AGMO: variants seen among roughly 807,000 people sequenced by gnomAD.
AGMO encodes glyceryl-ether monooxygenase.
Under a neutral mutation model 60.2 loss-of-function variants are expected in AGMO, and 75 were observed. The ratio of observed to expected loss-of-function variants is 1.25; its 90% confidence interval spans 1.03 to 1.51. The LOEUF (loss-of-function observed/expected upper bound fraction) is 1.51, where lower values mean the gene tolerates loss of function less well. AGMO is among the 40% of genes most tolerant of loss of function. The probability of loss-of-function intolerance (pLI) is 0.00; values close to 1 mark genes in which losing one functional copy is unlikely to be tolerated. For synonymous variants in AGMO, 261 were observed against 177.1 expected, an observed-to-expected ratio of 1.47 and a Z score of -3.76; for missense variants, 763 against 525.5, an observed-to-expected ratio of 1.45 and a Z score of -4.42.
At chr7:15,211,385 G>A (rs1265364815) in intron 12 of AGMO, among the ~76,000 whole-genome samples, 3 of 151,830 alleles carry the variant, frequency 2.0e-5, no homozygotes, top group Admixed American at 6.6e-5. Context: ...TCTCGTTGGT[G>A]GTCATAAGTT....
chr7:15,521,816 C>A (rs1160935395), intron 3 of AGMO, among the ~76,000 whole-genome samples: 1 of 152,154 alleles, frequency 6.6e-6, no homozygotes, highest in East Asian at 1.9e-4. Context: ...CTCATCACCC[C>A]TATTCAACAT....
At chr7:15,540,295 T>C (rs1482567893) in intron 3 of AGMO, among the ~76,000 whole-genome samples, 1 of 152,142 alleles carries the variant, frequency 6.6e-6, no homozygotes, top group African/African-American at 2.4e-5. Context: ...AAATAGAGTA[T>C]ATAGATCCCA....
At chr7:15,222,492 T>A in intron 12 of AGMO, among the ~76,000 whole-genome samples, 1 of 152,064 alleles carries the variant, frequency 6.6e-6, no homozygotes, top group East Asian at 1.9e-4. Context: ...AGCAAAAACA[T>A]GTTTTTCAAT....
intron 12 of AGMO, among the ~76,000 whole-genome samples, chr7:15,354,401 T>TATATAGACGC (rs1268592267): frequency 2.9e-5 from 1 of 34,360 alleles, no homozygotes; most frequent in Non-Finnish European, 4.6e-5. Context: ...TATACACGTG[T>TATATAGACGC]GTGTACACAC....
At chr7:15,397,480 C>T (rs1214356645) in intron 5 of AGMO, among the ~76,000 whole-genome samples, 1 of 152,170 alleles carries the variant, frequency 6.6e-6, no homozygotes, top group Non-Finnish European at 1.5e-5. Flanking sequence ...TGAAGGGCTC[C>T]TCGAGCGCGG....
chr7:15,288,853 A>C (rs1308011244), intron 12 of AGMO, among the ~76,000 whole-genome samples: 1 of 113,434 alleles, frequency 8.8e-6, no homozygotes, highest in African/African-American at 3.5e-5. Flanking sequence ...ATAAAAAATA[A>C]AAAAAAAAAA....
chr7:15,193,726 GCAAC>G, the AGMO span, among the ~76,000 whole-genome samples: 12 of 152,136 alleles, frequency 7.9e-5, no homozygotes, highest in Admixed American at 7.9e-4. Flanking sequence ...CTAAACAAAT[GCAAC>G]CAAGTTTGAC....
rs1783129804 is a variant in AGMO, at chr7:15,257,445, GATATTGC to G, written c.1264-56093_1264-56087del. Among the ~76,000 whole-genome samples the G allele has an allele frequency of 4.6e-5, 7 of 152,074 alleles. No homozygotes were observed. The South Asian group carries it at 1.5e-3, about 32-fold the overall frequency. On this transcript the variant is annotated intron_variant, in intron 12 of 12. Coordinates refer to ENST00000342526, the MANE Select transcript of AGMO (RefSeq NM_001004320.2). ...TTATAAGAATGAGATATTTATTATT[GATATTGC>G]ATTGACATTTGGGCCATAGTAAAGA...
At chr7:15,406,202 G>C (rs1417273653) in intron 5 of AGMO, among the ~76,000 whole-genome samples, 1 of 147,502 alleles carries the variant, frequency 6.8e-6, no homozygotes, top group East Asian at 2.0e-4. Flanking sequence ...CAGGTCAGAA[G>C]ACTCAAAAGG....
chr7:15,550,169 G>A (rs953025760), intron 2 of AGMO, among the ~76,000 whole-genome samples: 4 of 151,398 alleles, frequency 2.6e-5, no homozygotes, highest in African/African-American at 9.7e-5. Context: ...TCAAAGCAGT[G>A]TGTAGAGGGA....
chr7:15,201,382 G>T, intron 12 of AGMO, 23 bp from the exon 13 acceptor site: 1 of 1,547,952 alleles, frequency 6.5e-7, no homozygotes, highest in Non-Finnish European at 8.8e-7. Context: ...AACACAAAGA[G>T]AAAAAAAAAT....
At chr7:15,434,804 T>G (rs1191107713) in intron 3 of AGMO, among the ~76,000 whole-genome samples, 1 of 152,136 alleles carries the variant, frequency 6.6e-6, no homozygotes, top group Non-Finnish European at 1.5e-5. Flanking sequence ...TGTTTTAAGC[T>G]TGTAACTTGT....
the AGMO span, among the ~76,000 whole-genome samples, chr7:15,151,445 G>A: frequency 6.6e-6 from 1 of 151,948 alleles, no homozygotes; most frequent in Non-Finnish European, 1.5e-5. Context: ...TCTTTCTGTA[G>A]GTGTTCAGCA....
chr7:15,358,847 A>T (rs1782643381), intron 12 of AGMO, among the ~76,000 whole-genome samples: 2 of 152,116 alleles, frequency 1.3e-5, no homozygotes, highest in African/African-American at 2.4e-5. Flanking sequence ...TATTCCTTGA[A>T]GTATTGGGGA....
chr7:15,226,933 A>C (rs1782100917), intron 12 of AGMO, among the ~76,000 whole-genome samples: 1 of 152,078 alleles, frequency 6.6e-6, no homozygotes, highest in Non-Finnish European at 1.5e-5. Flanking sequence ...TTCCAACAAA[A>C]TACCACCTAT....
chr7:15,247,609 G>A lies in AGMO; in HGVS notation c.1264-46250C>T, dbSNP rs191545001. ...ACACAGACACATTCACAGTGAAACA[G>A]TTCCATTTCAATTGCAATATGCTGT... On this transcript the variant is annotated intron_variant, in intron 12 of 12. Coordinates refer to ENST00000342526, the MANE Select transcript of AGMO (RefSeq NM_001004320.2). Among the ~76,000 whole-genome samples, 205 of 152,066 alleles carry A rather than the reference G, an allele frequency of 1.3e-3. 1 individual carries two copies. The highest frequency in any genetic ancestry group is 2.4e-3 in the Non-Finnish European group (160 of 67,988).
chr7:15,411,406 C>T (rs903554182), intron 5 of AGMO, among the ~76,000 whole-genome samples: 1 of 151,926 alleles, frequency 6.6e-6, no homozygotes, highest in African/African-American at 2.4e-5. Flanking sequence ...TTCATAGGCA[C>T]AGTAACAAAT....
intron 12 of AGMO, among the ~76,000 whole-genome samples, chr7:15,308,864 A>G (rs1456074227): frequency 6.6e-6 from 1 of 152,160 alleles, no homozygotes; most frequent in African/African-American, 2.4e-5. Context: ...ATTTACCTAA[A>G]CACATTCAGT....
At chr7:15,148,089 C>T in the AGMO span, among the ~76,000 whole-genome samples, 2 of 151,672 alleles carry the variant, frequency 1.3e-5, no homozygotes, top group African/African-American at 2.4e-5. Flanking sequence ...TTTTAAAATA[C>T]TTACTATTTA....
Sources: gnomAD v4.1 joint callset for allele counts (sites outside exome capture counted in the v4.1 genomes callset) on GRCh38, gnomAD v4.1.1 for gene constraint, MANE v1.5 for transcripts, NCBI Gene and HGNC (gene_info 2026-07-23, HGNC 2026-07-21) for gene names.